Variants in DLG2 observed in about 807,000 individuals in gnomAD.
DLG2 encodes the protein disks large homolog 2.
DLG2 carries 45 observed loss-of-function variants against 132.5 expected under a neutral mutation model. The ratio of observed to expected loss-of-function variants is 0.34; its 90% CI spans 0.27 to 0.44. The LOEUF is 0.44. Among genes scored for constraint, DLG2 ranks in the 20% least tolerant of loss-of-function variants. The pLI, the probability that DLG2 is intolerant of heterozygous loss-of-function variation, is 1.00. For synonymous variants in DLG2, 424 were observed against 419.6 expected (o/e 1.01, Z -0.13); for missense variants, 1,045 against 1,196.9 (o/e 0.87, Z 1.87).
intron 3 of DLG2, among the ~76,000 whole-genome samples, chr11:85,581,972 A>G (rs1312573532): frequency 2.0e-5 from 3 of 152,208 alleles, no homozygotes; most frequent in Non-Finnish European, 2.9e-5. Flanking sequence ...AGGAAGTGTA[A>G]TAGGCATTTG....
intron 9 of DLG2, 79 bp from the exon 10 acceptor site, chr11:84,099,126 G>C: frequency 1.5e-6 from 2 of 1,293,386 alleles, no homozygotes; most frequent in Non-Finnish European, 2.2e-6. Context: ...GCATTATCAT[G>C]TTACTACTCA....
chr11:83,766,485 C>T (rs184611244), intron 18 of DLG2, among the ~76,000 whole-genome samples: 1 of 151,276 alleles, frequency 6.6e-6, no homozygotes, highest in African/African-American at 2.4e-5. Context: ...GCAGATTCCA[C>T]TGTGTTCCTC....
chr11:85,610,507 A>T (rs1409837394), intron 2 of DLG2, among the ~76,000 whole-genome samples: 1 of 152,124 alleles, frequency 6.6e-6, no homozygotes, highest in Non-Finnish European at 1.5e-5. Flanking sequence ...CACACATCCC[A>T]ACTTACACAG....
chr11:85,621,218 A>G (rs74942826), intron 2 of DLG2, among the ~76,000 whole-genome samples: 12 of 55,060 alleles, frequency 2.2e-4, no homozygotes, highest in Admixed American at 6.9e-4. Flanking sequence ...TACTACTCAG[A>G]AAAAAAAAAA....
chr11:84,086,491 CTTTT>C (rs66719037), intron 10 of DLG2, among the ~76,000 whole-genome samples: 12 of 110,494 alleles, frequency 1.1e-4, no homozygotes, highest in Admixed American at 2.7e-4. Flanking sequence ...TTCTTTCTTT[CTTTT>C]TTTTTTTTTT....
intron 6 of DLG2, among the ~76,000 whole-genome samples, chr11:84,837,591 T>G (rs2079991844): frequency 6.6e-6 from 1 of 151,784 alleles, no homozygotes; most frequent in African/African-American, 2.4e-5. Flanking sequence ...GCAATGAAAT[T>G]CAACCATTGT....
chr11:83,767,343 T>C (rs750457682), intron 18 of DLG2, among the ~76,000 whole-genome samples: 4 of 152,222 alleles, frequency 2.6e-5, no homozygotes, highest in Non-Finnish European at 5.9e-5. Flanking sequence ...ATTAGAGAAT[T>C]ATCCCATCAC....
intron 7 of DLG2, among the ~76,000 whole-genome samples, chr11:84,314,154 C>G (rs939270642): frequency 3.3e-5 from 5 of 152,178 alleles, no homozygotes; most frequent in Non-Finnish European, 5.9e-5. Flanking sequence ...GCAAATATCT[C>G]CGAGGGCAAG....
intron 11 of DLG2, among the ~76,000 whole-genome samples, chr11:84,039,633 G>A (rs1329616106): frequency 1.6e-5 from 1 of 60,944 alleles, no homozygotes; most frequent in East Asian, 4.4e-4. Context: ...TGGACATTTG[G>A]GTTGGTTCCA....
Position 85,493,006 on chromosome 11 carries a change from T to TA in DLG2, c.40+105650dup, listed in dbSNP as rs769086139. Among the ~76,000 whole-genome samples, 101 of 147,054 alleles carry TA rather than the reference T, an allele frequency of 6.9e-4. 1 individual carries two copies. Among genetic ancestry groups the TA allele is most frequent in the South Asian group, 3.7e-3 (17 of 4,654 alleles). ...GCGCTAAGTATCATACTCCAAGCTATAAAAAAAAAAGAGCTTTATTTTAAA... is the reference window on the plus strand; with the variant it reads ...GCGCTAAGTATCATACTCCAAGCTATAAAAAAAAAAAGAGCTTTATTTTAAA... On this transcript the variant is annotated intron_variant, in intron 3 of 27. Coordinates refer to ENST00000376104, the MANE Select transcript of DLG2 (RefSeq NM_001142699.3).
intron 6 of DLG2, among the ~76,000 whole-genome samples, chr11:84,557,575 A>T (rs1396250758): frequency 6.6e-6 from 1 of 152,006 alleles, no homozygotes; most frequent in African/African-American, 2.4e-5. Context: ...TTCATTGAGA[A>T]ATTTATTTAT....
At chr11:83,554,511 T>C (rs866754798) in intron 19 of DLG2, among the ~76,000 whole-genome samples, 1 of 152,204 alleles carries the variant, frequency 6.6e-6, no homozygotes, top group South Asian at 2.1e-4. Flanking sequence ...ATGAAAAAAT[T>C]GCAATAATAA....
intron 6 of DLG2, among the ~76,000 whole-genome samples, chr11:84,938,321 T>C (rs1043264650): frequency 1.2e-4 from 18 of 152,262 alleles, no homozygotes; most frequent in African/African-American, 3.4e-4. Context: ...ATAAGGATCA[T>C]ATATATTGAT....
At chr11:83,801,836 T>A (rs1468042143) in intron 17 of DLG2, among the ~76,000 whole-genome samples, 1 of 152,176 alleles carries the variant, frequency 6.6e-6, no homozygotes, top group East Asian at 1.9e-4. Context: ...TAGTGCTGAC[T>A]ACACTATGTA....
At chr11:85,274,122 G>GA (rs60953970) in intron 4 of DLG2, among the ~76,000 whole-genome samples, 96,030 of 151,898 alleles carry the variant, frequency 0.63, 30,736 homozygotes, top group Middle Eastern at 0.75. Context: ...GTGGAGAGGG[G>GA]AGGGATAGCA....
chr11:84,507,735 G>C (rs2099245633), intron 7 of DLG2, among the ~76,000 whole-genome samples: 1 of 152,154 alleles, frequency 6.6e-6, no homozygotes, highest in Non-Finnish European at 1.5e-5. Context: ...ATGATCATAA[G>C]CTTTTTGCAT....
chr11:83,717,422 C>T (rs1045627538), intron 18 of DLG2, among the ~76,000 whole-genome samples: 3 of 152,114 alleles, frequency 2.0e-5, no homozygotes, highest in African/African-American at 7.2e-5. Flanking sequence ...GAATTACTGC[C>T]ACATCCTAAA....
intron 3 of DLG2, among the ~76,000 whole-genome samples, chr11:85,381,254 T>C (rs1290769812): frequency 6.6e-6 from 1 of 152,200 alleles, no homozygotes; most frequent in Non-Finnish European, 1.5e-5. Flanking sequence ...ATTCAGATTT[T>C]TGTGTGAAGT....
chr11:83,768,481 C>G (rs2094238764), intron 18 of DLG2, among the ~76,000 whole-genome samples: 1 of 152,206 alleles, frequency 6.6e-6, no homozygotes, highest in Non-Finnish European at 1.5e-5. Flanking sequence ...TCCATTTAGA[C>G]CAAATGACAT....
Sources: allele counts gnomAD v4.1 joint callset (sites outside exome capture counted in the v4.1 genomes callset), GRCh38; gene constraint gnomAD v4.1.1; transcripts MANE v1.5; gene names NCBI Gene and HGNC (gene_info 2026-07-23, HGNC 2026-07-21).